The following LINGO2 variants were observed in gnomAD, a reference collection of about 807,000 sequenced individuals.
LINGO2 encodes the protein leucine rich repeat and Ig domain containing 2.
In LINGO2, 14 loss-of-function variants were observed where a neutral mutation model predicts 30.6. The observed-to-expected ratio is 0.46, with a 90% CI of 0.30 to 0.72. LINGO2 has a LOEUF of 0.72. Among genes scored for constraint, LINGO2 ranks in the 30% least tolerant of loss-of-function variants. LINGO2 has a pLI of 0.07. For missense variants in LINGO2, 729 were observed against 751.7 expected (o/e 0.97, Z 0.35); for synonymous variants, 317 against 288.5 (o/e 1.10, Z -1.00).
chr9:28,143,768 C>T (rs1204878405), intron 4 of LINGO2, among the ~76,000 whole-genome samples: 1 of 151,628 alleles, frequency 6.6e-6, no homozygotes, highest in African/African-American at 2.4e-5. Flanking sequence ...TAAATTTTTC[C>T]AAGCATAAGA....
chr9:28,848,169 G>GTATATATATAC, the LINGO2 span, among the ~76,000 whole-genome samples: 1 of 83,026 alleles, frequency 1.2e-5, no homozygotes, highest in African/African-American at 6.3e-5. Flanking sequence ...TATATAGTGT[G>GTATATATATAC]TATATATACA....
chr9:29,028,426 G>GA, the LINGO2 span, among the ~76,000 whole-genome samples: 8 of 93,164 alleles, frequency 8.6e-5, no homozygotes, highest in Non-Finnish European at 1.2e-4. Flanking sequence ...GTGTGGGGGG[G>GA]GGTGAGAGAG....
chr9:28,571,013 A>T (rs1823664818), intron 1 of LINGO2, among the ~76,000 whole-genome samples: 1 of 151,970 alleles, frequency 6.6e-6, no homozygotes, highest in South Asian at 2.1e-4. Context: ...ATGAGAAAGT[A>T]AACAGGAAAA....
the LINGO2 span, among the ~76,000 whole-genome samples, chr9:29,069,191 C>T: frequency 6.6e-6 from 1 of 151,858 alleles, no homozygotes. Flanking sequence ...AAAACAGGTT[C>T]TCCTATTGCT....
chr9:28,482,598 T>G (rs1826018738), intron 1 of LINGO2, among the ~76,000 whole-genome samples: 1 of 152,166 alleles, frequency 6.6e-6, no homozygotes, highest in Non-Finnish European at 1.5e-5. Context: ...GATGGTAGTT[T>G]CTTTTGCTGT....
chr9:28,641,386 T>C (rs1031084586), intron 1 of LINGO2, among the ~76,000 whole-genome samples: 2 of 152,024 alleles, frequency 1.3e-5, no homozygotes, highest in African/African-American at 4.8e-5. Flanking sequence ...ACTGAAATAA[T>C]ACTAAATTAA....
chr9:28,741,354 T>C, the LINGO2 span, among the ~76,000 whole-genome samples: 2 of 151,782 alleles, frequency 1.3e-5, no homozygotes, highest in Non-Finnish European at 2.9e-5. Context: ...TGGTCTAAAA[T>C]CTGGGGCTGG....
At chr9:28,034,588 G>C (rs1306301871) in intron 4 of LINGO2, among the ~76,000 whole-genome samples, 1 of 152,094 alleles carries the variant, frequency 6.6e-6, no homozygotes, top group Non-Finnish European at 1.5e-5. Context: ...CCTAGAAAAC[G>C]AGGATAATAT....
At chr9:28,465,425 G>C (rs550307994) in intron 2 of LINGO2, among the ~76,000 whole-genome samples, 1 of 152,048 alleles carries the variant, frequency 6.6e-6, no homozygotes, top group African/African-American at 2.4e-5. Flanking sequence ...GTGTGTGTGC[G>C]CTGAGTTTGG....
the LINGO2 span, among the ~76,000 whole-genome samples, chr9:29,014,953 T>C: frequency 6.6e-6 from 1 of 152,196 alleles, no homozygotes; most frequent in Non-Finnish European, 1.5e-5. Flanking sequence ...TAAGAATATC[T>C]TCCATTGGCT....
chr9:28,422,650 A>T (rs570671259), intron 2 of LINGO2, among the ~76,000 whole-genome samples: 1 of 152,198 alleles, frequency 6.6e-6, no homozygotes, highest in East Asian at 1.9e-4. Context: ...ATTCCACGTG[A>T]TCTAGCAATT....
chr9:28,097,685 T>A, intron 4 of LINGO2, among the ~76,000 whole-genome samples: 2 of 82,484 alleles, frequency 2.4e-5, no homozygotes, highest in African/African-American at 5.0e-5. Context: ...GGGACTGTGG[T>A]GGGGTCGGGG....
intron 5 of LINGO2, among the ~76,000 whole-genome samples, chr9:27,988,013 C>A (rs1238179094): frequency 6.6e-6 from 1 of 152,000 alleles, no homozygotes; most frequent in African/African-American, 2.4e-5. Flanking sequence ...TCCCTCCACC[C>A]CACAACAGGC....
At chr9:28,108,866 G>T (rs1216347329) in intron 4 of LINGO2, among the ~76,000 whole-genome samples, 2 of 152,030 alleles carry the variant, frequency 1.3e-5, no homozygotes, top group Admixed American at 1.3e-4. Context: ...ACAATGTGCT[G>T]AATTTCATAC....
chr9:29,174,927 T>C, the LINGO2 span, among the ~76,000 whole-genome samples: 23 of 152,298 alleles, frequency 1.5e-4, no homozygotes, highest in Admixed American at 5.2e-4. Context: ...GGTTTGAATC[T>C]TAGTTGTGTC....
the LINGO2 span, among the ~76,000 whole-genome samples, chr9:29,045,005 T>C: frequency 6.6e-6 from 1 of 152,134 alleles, no homozygotes; most frequent in African/African-American, 2.4e-5. Context: ...ACTATATTCA[T>C]CCTTCTTCTT....
intron 4 of LINGO2, among the ~76,000 whole-genome samples, chr9:28,105,242 C>CTT: frequency 6.6e-6 from 1 of 152,086 alleles, no homozygotes; most frequent in Non-Finnish European, 1.5e-5. Flanking sequence ...TGAGAAGTCA[C>CTT]GTTATTAGGA....
At chr9:28,728,164 C>G in the LINGO2 span, among the ~76,000 whole-genome samples, 1 of 152,106 alleles carries the variant, frequency 6.6e-6, no homozygotes, top group African/African-American at 2.4e-5. Flanking sequence ...TACCTCTACT[C>G]TCACTTTTTG....
chr9:29,184,009 G>C, the LINGO2 span, among the ~76,000 whole-genome samples: 4 of 151,816 alleles, frequency 2.6e-5, no homozygotes, highest in Non-Finnish European at 5.9e-5. Context: ...TGAAAATAAA[G>C]TTAATTTAAT....
Sources: gnomAD v4.1 joint callset for allele counts (sites outside exome capture counted in the v4.1 genomes callset) on GRCh38, gnomAD v4.1.1 for gene constraint, MANE v1.5 for transcripts, NCBI Gene and HGNC (gene_info 2026-07-23, HGNC 2026-07-21) for gene names.